HEPHL1: variants seen among roughly 807,000 people sequenced by gnomAD.
HEPHL1 encodes ferroxidase HEPHL1.
Under a neutral mutation model 122.0 loss-of-function variants are expected in HEPHL1, and 123 were observed. The observed-to-expected ratio is 1.01, with a 90% confidence interval of 0.87 to 1.17. HEPHL1 has a LOEUF of 1.17. HEPHL1 is among the 50% of genes most tolerant of loss of function. The pLI is 0.00. For missense variants in HEPHL1, 1,452 were observed against 1,430.5 expected (o/e 1.01, Z -0.24); for synonymous variants, 527 against 508.9 (o/e 1.04, Z -0.48).
chr11:94,077,223 T>C (rs1186227193), intron 9 of HEPHL1, among the ~76,000 whole-genome samples: 2 of 152,172 alleles, frequency 1.3e-5, no homozygotes, highest in African/African-American at 4.8e-5. Flanking sequence ...ACGTTGACAT[T>C]ATCAAATCTA....
intron 4 of HEPHL1, among the ~76,000 whole-genome samples, chr11:94,066,005 T>C (rs1894164): frequency 6.6e-6 from 1 of 152,008 alleles, no homozygotes; most frequent in African/African-American, 2.4e-5. Flanking sequence ...GCAACATAGG[T>C]AGATCCGTTA....
chr11:94,113,199 A>ATTGT lies in HEPHL1; in HGVS notation c.*1308_*1311dup, dbSNP rs2134458313. ...TAGGTGTAAGATTGATAAAAGTAAC[A>ATTGT]TTGTTTATTACAAGACTGAGAAATT... On this transcript the variant is annotated 3_prime_UTR_variant, in exon 20 of 20. Coordinates refer to ENST00000315765, the MANE Select transcript of HEPHL1 (RefSeq NM_001098672.2). 1 of 152,316 alleles carries ATTGT rather than the reference A, an allele frequency of 6.6e-6. No homozygotes were observed. The highest frequency in any genetic ancestry group is 2.4e-5 in the African/African-American group (1 of 41,576). The allele number at this position is 152,316 out of a possible 1,614,324, so 9.4% of individuals were successfully genotyped here. A position where few individuals can be genotyped will look rare whatever the true frequency, so the allele number is the denominator to read the frequency against.
chr11:94,094,941 A>G (rs1021578157), intron 13 of HEPHL1, among the ~76,000 whole-genome samples: 1 of 152,198 alleles, frequency 6.6e-6, no homozygotes, highest in African/African-American at 2.4e-5. Context: ...ACCATTCTGT[A>G]GATTACCTGT....
At chr11:94,027,636 G>A (rs1945637513) in intron 1 of HEPHL1, among the ~76,000 whole-genome samples, 1 of 152,206 alleles carries the variant, frequency 6.6e-6, no homozygotes, top group Admixed American at 6.5e-5. Flanking sequence ...CTTTACAGCA[G>A]AGGAAACTGG....
chr11:94,024,496 T>A (rs879856325), intron 1 of HEPHL1, among the ~76,000 whole-genome samples: 24 of 152,238 alleles, frequency 1.6e-4, no homozygotes, highest in Non-Finnish European at 2.6e-4. Flanking sequence ...TGTTCAGTCC[T>A]AGAAATTAGA....
At position 94,101,198 on chromosome 11, in the gene HEPHL1, C is replaced by T. The variant is rs1384080541; in HGVS notation, c.2438C>T (p.Pro813Leu). 1 of 1,613,552 alleles carries T rather than the reference C, an allele frequency of 6.2e-7. No homozygotes were observed. The highest frequency in any genetic ancestry group is 8.5e-7 in the Non-Finnish European group (1 of 1,179,746). The change falls in exon 14 of 20, where the codon CCA (proline) becomes CTA (leucine). Residue 813 changes from proline to leucine, a missense_variant. Transcript: ENST00000315765. Reference sequence around the variant, plus strand: ...CAGGCCTGTGTTTTGCCTTTAGGCCCAATGATTCATGCTGAGGTGGGCAAC... The same window carrying T: ...CAGGCCTGTGTTTTGCCTTTAGGCCTAATGATTCATGCTGAGGTGGGCAAC... ...PREEHLELLG[P>L]MIHAEVGNTV...
intron 13 of HEPHL1, among the ~76,000 whole-genome samples, chr11:94,093,969 C>T (rs1168218810): frequency 2.0e-5 from 1 of 50,716 alleles, no homozygotes; most frequent in Non-Finnish European, 4.0e-5. Context: ...AATCCTCCAG[C>T]AGATATATAT....
In HEPHL1 at chr11:94,101,347, CAG is replaced by C. The variant is rs753847489; in HGVS notation, c.2575+15_2575+16del. ...CATGACAAAACCAGGTAAGTTGTGT[CAG>C]AGGTCTGCTCCATCTTGAAGAAGAA... is the stretch of plus-strand genomic sequence containing the variant. On this transcript the variant is annotated intron_variant, in intron 14 of 19. Transcript: ENST00000315765. 4.3e-6 allele frequency: 7 copies of C among 1,609,762 alleles called. No individual in the cohort carries two copies. In the Admixed American group the frequency reaches 1.0e-4, roughly 23 times the overall value.
chr11:94,100,189 A>G (rs551634307), intron 13 of HEPHL1, among the ~76,000 whole-genome samples: 2 of 152,266 alleles, frequency 1.3e-5, no homozygotes, highest in East Asian at 3.9e-4. Flanking sequence ...TTGAGAGAAA[A>G]TTGAAAATAA....
intron 1 of HEPHL1, among the ~76,000 whole-genome samples, chr11:94,031,079 C>A (rs975781568): frequency 1.3e-5 from 2 of 152,080 alleles, no homozygotes; most frequent in African/African-American, 4.8e-5. Context: ...AGAATTTTGG[C>A]CCCTTGGAGG....
At chr11:94,037,194 C>A (rs553253150) in intron 1 of HEPHL1, among the ~76,000 whole-genome samples, 2,714 of 152,296 alleles carry the variant, frequency 0.018, 65 homozygotes, top group African/African-American at 0.062. Flanking sequence ...GAGATTATAT[C>A]CCGCACCTGG....
chr11:94,100,203 C>A (rs953754323), intron 13 of HEPHL1, among the ~76,000 whole-genome samples: 1 of 152,156 alleles, frequency 6.6e-6, no homozygotes, highest in Non-Finnish European at 1.5e-5. Context: ...AAAATAATAA[C>A]CGTCCAACAA....
At chr11:94,054,874 C>T (rs1451148892) in intron 2 of HEPHL1, 3 of 152,268 alleles carry the variant, frequency 2.0e-5, no homozygotes, top group Non-Finnish European at 4.4e-5. Context: ...GATAATTAGA[C>T]ATCTGAAGTG....
At chr11:94,104,327 T>G (rs920625463) in intron 15 of HEPHL1, among the ~76,000 whole-genome samples, 5 of 152,160 alleles carry the variant, frequency 3.3e-5, no homozygotes, top group Non-Finnish European at 7.3e-5. Flanking sequence ...CACTGAAGAC[T>G]TCTAGATACG....
At chr11:94,029,385 C>A (rs531471139) in intron 1 of HEPHL1, among the ~76,000 whole-genome samples, 1 of 152,152 alleles carries the variant, frequency 6.6e-6, no homozygotes, top group Non-Finnish European at 1.5e-5. Context: ...CCACTCACAG[C>A]CAATTTGCCA....
chr11:94,097,789 T>A (rs1946330566), intron 13 of HEPHL1, among the ~76,000 whole-genome samples: 2 of 152,208 alleles, frequency 1.3e-5, no homozygotes, highest in African/African-American at 4.8e-5. Context: ...CTTTGTCTCT[T>A]CTGACCTTTG....
intron 10 of HEPHL1, among the ~76,000 whole-genome samples, 170 bp downstream of exon 10, chr11:94,082,738 C>G (rs1946181841): frequency 6.6e-6 from 1 of 152,150 alleles, no homozygotes; most frequent in Non-Finnish European, 1.5e-5. Context: ...ACCTCCCTAT[C>G]TCTCAGAGAT....
rs1946366132 is a variant in HEPHL1, at chr11:94,101,350, A to T, written c.2575+15A>T. ...GACAAAACCAGGTAAGTTGTGTCAG[A>T]GGTCTGCTCCATCTTGAAGAAGAAC... On this transcript the variant is annotated intron_variant, in intron 14 of 19. Transcript: ENST00000315765. 6.2e-7 allele frequency: 1 copy of T among 1,604,836 alleles called. No homozygotes were observed. The highest frequency in any genetic ancestry group is 8.5e-7 in the Non-Finnish European group (1 of 1,173,840).
Position 94,101,238 on chromosome 11 carries a change from A to T in HEPHL1, c.2478A>T (p.Ile826=). ...AGGTGGGCAACACCGTCCTGATCAT[A>T]TTTAAGAACAAAGCCAGTAGGCCCT... ...HAEVGNTVLI[I]FKNKASRPYS... The change falls in exon 14 of 20, where the codon ATA becomes ATT. Residue 826 remains isoleucine, a synonymous_variant. Coordinates refer to ENST00000315765, the MANE Select transcript of HEPHL1 (RefSeq NM_001098672.2). 6.2e-7 allele frequency: 1 copy of T among 1,614,042 alleles called. No homozygotes were observed. Among genetic ancestry groups the T allele is most frequent in the Non-Finnish European group, 8.5e-7 (1 of 1,179,888 alleles).
Sources: gnomAD v4.1 joint callset for allele counts (sites outside exome capture counted in the v4.1 genomes callset) on GRCh38, gnomAD v4.1.1 for gene constraint, MANE v1.5 for transcripts, NCBI Gene and HGNC (gene_info 2026-07-23, HGNC 2026-07-21) for gene names.